Variants in NCF2 observed in about 807,000 individuals in gnomAD.
NCF2 encodes the protein neutrophil cytosol factor 2.
Under a neutral mutation model 70.9 loss-of-function variants are expected in NCF2, and 45 were observed. The observed-to-expected ratio is 0.63, with a 90% CI of 0.50 to 0.81. The LOEUF (loss-of-function observed/expected upper bound fraction) is 0.81, where lower values mean the gene tolerates loss of function less well. Among genes scored for constraint, NCF2 ranks in the 40% least tolerant of loss-of-function variants. NCF2 has a pLI of 0.00. For missense variants in NCF2, 522 were observed against 631.6 expected (o/e 0.83, Z 1.86); for synonymous variants, 203 against 233.6 (o/e 0.87, Z 1.19).
intron 10 of NCF2, among the ~76,000 whole-genome samples, chr1:183,565,414 C>A (rs1359996924): frequency 6.6e-6 from 1 of 152,178 alleles, no homozygotes; most frequent in Non-Finnish European, 1.5e-5. Context: ...GACATCGTTT[C>A]CCTACCTAAT....
At chr1:183,579,283 G>T (rs985986341) in intron 2 of NCF2, among the ~76,000 whole-genome samples, 2 of 152,186 alleles carry the variant, frequency 1.3e-5, no homozygotes, top group African/African-American at 4.8e-5. Context: ...TATATGCAAA[G>T]AATGTATCAT....
At chr1:183,562,761 C>T (rs1272884038) in intron 13 of NCF2, among the ~76,000 whole-genome samples, 2 of 146,190 alleles carry the variant, frequency 1.4e-5, no homozygotes, top group Admixed American at 7.0e-5. Flanking sequence ...TGAACCTGGG[C>T]GGCAGAGGTT....
chr1:183,556,408 T>C (rs1027406174), intron 14 of NCF2, among the ~76,000 whole-genome samples, 178 bp from the exon 15 acceptor site: 2 of 152,224 alleles, frequency 1.3e-5, no homozygotes, highest in Admixed American at 6.5e-5. Flanking sequence ...AACCATCTTA[T>C]TGATCTGTCT....
the NCF2 span, among the ~76,000 whole-genome samples, chr1:183,599,708 C>T: frequency 2.0e-5 from 3 of 151,850 alleles, no homozygotes; most frequent in East Asian, 1.9e-4. Context: ...AGCACCACCA[C>T]GCCTGGCTAA....
chr1:183,565,965 T>A (rs1232101734), intron 9 of NCF2, among the ~76,000 whole-genome samples, 186 bp from the exon 10 acceptor site: 1 of 151,972 alleles, frequency 6.6e-6, no homozygotes, highest in Non-Finnish European at 1.5e-5. Context: ...GGAGGTGGAG[T>A]TGGCCTGATG....
Position 183,560,185 on chromosome 1 carries a change from C to T in NCF2, c.1379G>A (p.Ser460Asn), listed in dbSNP as rs1411946850. 3 of 1,614,066 alleles carry T rather than the reference C, an allele frequency of 1.9e-6. No homozygotes were observed. The African/African-American group carries it at 4.0e-5, about 22-fold the overall frequency. Residue 460 changes from serine to asparagine, a missense_variant, in exon 14 of 15, where the codon AGC (serine) becomes AAC (asparagine). Ser to Asn is a conservative substitution (Grantham distance 46, BLOSUM62 1). Transcript: ENST00000367535. ...QTTEPQLKKG[S>N]QVEALFSYEA... ...ATAACTGAAGAGTGCCTCCACTTGG[C>T]TGCCTTTCTTAAGCTGAGGTTCTGT...
intron 2 of NCF2, among the ~76,000 whole-genome samples, chr1:183,579,096 G>A (rs1672935160): frequency 6.6e-6 from 1 of 152,170 alleles, no homozygotes; most frequent in African/African-American, 2.4e-5. Flanking sequence ...GATAAGCCTG[G>A]AATGTGGACA....
intron 3 of NCF2, among the ~76,000 whole-genome samples, chr1:183,576,713 G>A (rs899384123): frequency 6.6e-6 from 1 of 152,162 alleles, no homozygotes; most frequent in Non-Finnish European, 1.5e-5. Context: ...TGCAGGGTTG[G>A]GATGGGGCCA....
In NCF2 at chr1:183,563,168, A is replaced by T. The variant is rs771632691; in HGVS notation, c.1290+27T>A. On this transcript the variant is annotated intron_variant, in intron 13 of 14. Coordinates refer to ENST00000367535, the MANE Select transcript of NCF2 (RefSeq NM_000433.4). Reference sequence around the variant, plus strand: ...GAGGAAGTGGCTCAGTGGAAATGTAACTTTAGATGCCCCTCATTGCACTCA... The same window carrying T: ...GAGGAAGTGGCTCAGTGGAAATGTATCTTTAGATGCCCCTCATTGCACTCA... 1.9e-6 allele frequency: 3 copies of T among 1,601,566 alleles called. No individual in the cohort carries two copies. In the African/African-American group the frequency reaches 4.0e-5, roughly 21 times the overall value.
rs879287555 is a variant in NCF2, at chr1:183,567,330, C to A, written c.729G>T (p.Glu243Asp). The change falls in exon 8 of 15, where the codon GAG becomes GAT. Residue 243 changes from glutamate to aspartate, a missense_variant. Coordinates refer to ENST00000367535, the MANE Select transcript of NCF2 (RefSeq NM_000433.4). ...CAAACCCAAATAGCACACGGTGAGC[C>A]TCCCCTTCCAGAGCCCTGCAGAGGA... The part of the protein sequence containing the change: ...TPEIFRALEG[E>D]AHRVLFGFVP... The A allele has an allele frequency of 6.2e-7, 1 of 1,614,130 alleles. No individual in the cohort carries two copies. Among genetic ancestry groups the A allele is most frequent in the Non-Finnish European group, 8.5e-7 (1 of 1,180,028 alleles).
At chr1:183,565,837 G>T in intron 9 of NCF2, 58 bp from the exon 10 acceptor site, 1 of 1,554,260 alleles carries the variant, frequency 6.4e-7, no homozygotes, top group Non-Finnish European at 8.9e-7. Flanking sequence ...AGGCAGGGGT[G>T]GATGTGGGGA....
intron 1 of NCF2, among the ~76,000 whole-genome samples, chr1:183,587,595 C>CAAAAA (rs11287969): frequency 0.015 from 619 of 41,860 alleles, 10 homozygotes; most frequent in Non-Finnish European, 0.021. Context: ...CACCCTGTCT[C>CAAAAA]AAAAAAAAAA....
At chr1:183,559,751 C>G (rs979708087) in intron 14 of NCF2, among the ~76,000 whole-genome samples, 2 of 152,124 alleles carry the variant, frequency 1.3e-5, no homozygotes, top group Admixed American at 6.5e-5. Flanking sequence ...CCTAGCTACT[C>G]AGGAGGCTGA....
At chr1:183,586,447 C>T (rs922687415) in intron 2 of NCF2, among the ~76,000 whole-genome samples, 4 of 152,254 alleles carry the variant, frequency 2.6e-5, no homozygotes, top group African/African-American at 4.8e-5. Flanking sequence ...TTTGTATTAT[C>T]ATTTTTGCAG....
chr1:183,571,560 C>A (rs1672564542), intron 5 of NCF2, among the ~76,000 whole-genome samples: 1 of 152,208 alleles, frequency 6.6e-6, no homozygotes, highest in South Asian at 2.1e-4. Flanking sequence ...GTCCACACTC[C>A]CCTTTCCCCT....
chr1:183,563,722 C>T, intron 11 of NCF2, 137 bp from the exon 12 acceptor site: 1 of 1,142,312 alleles, frequency 8.8e-7, no homozygotes, highest in Non-Finnish European at 1.3e-6. Context: ...ACTGGTTTCA[C>T]AGTAGCCTAA....
chr1:183,561,094 T>C (rs1177448411), intron 13 of NCF2, among the ~76,000 whole-genome samples: 1 of 152,284 alleles, frequency 6.6e-6, no homozygotes, highest in African/African-American at 2.4e-5. Context: ...ACTTGTTTTA[T>C]CTGTAACAAC....
At chr1:183,586,467 AT>A (rs1407643634) in intron 2 of NCF2, among the ~76,000 whole-genome samples, 3 of 152,258 alleles carry the variant, frequency 2.0e-5, no homozygotes, top group Admixed American at 6.5e-5. Flanking sequence ...GCTGAAGTAT[AT>A]TTCCTCAAAT....
At chr1:183,595,717 T>C (rs567829174), upstream of NCF2, among the ~76,000 whole-genome samples, 5 of 152,326 alleles carry the variant, frequency 3.3e-5, no homozygotes, top group East Asian at 9.6e-4. Context: ...CCTCTAGACC[T>C]TCTCTTAAAG....
Sources: gnomAD v4.1 joint callset for allele counts (sites outside exome capture counted in the v4.1 genomes callset) on GRCh38, gnomAD v4.1.1 for gene constraint, MANE v1.5 for transcripts, NCBI Gene and HGNC (gene_info 2026-07-23, HGNC 2026-07-21) for gene names.